G2E3: variants seen among roughly 807,000 people sequenced by gnomAD.
The protein encoded by G2E3 is G2/M-phase specific E3 ubiquitin protein ligase.
In G2E3, 35 loss-of-function variants were observed where a neutral mutation model predicts 92.8. The observed-to-expected ratio is 0.38, with a 90% CI of 0.29 to 0.50. G2E3 has a LOEUF of 0.50. Among genes scored for constraint, G2E3 ranks in the 20% least tolerant of loss-of-function variants. The probability of loss-of-function intolerance (pLI) is 0.94; values close to 1 mark genes in which losing one functional copy is unlikely to be tolerated. For synonymous variants in G2E3, 242 were observed against 272.4 expected, an observed-to-expected ratio of 0.89 and a Z score of 1.10; for missense variants, 554 against 823.8, an observed-to-expected ratio of 0.67 and a Z score of 4.01.
intron 2 of G2E3, among the ~76,000 whole-genome samples, chr14:30,586,434 A>G (rs1046042499): frequency 1.3e-5 from 2 of 152,214 alleles, no homozygotes; most frequent in Non-Finnish European, 2.9e-5. Context: ...TGGCAGTTTA[A>G]TCAGAGTTTT....
chr14:30,572,758 A>G (rs1458830799), intron 1 of G2E3, among the ~76,000 whole-genome samples: 1 of 151,968 alleles, frequency 6.6e-6, no homozygotes, highest in African/African-American at 2.4e-5. Context: ...CCAATGATTG[A>G]CTAAATTTGC....
intron 4 of G2E3, among the ~76,000 whole-genome samples, chr14:30,591,235 G>A (rs1873095632): frequency 6.6e-6 from 1 of 152,082 alleles, no homozygotes; most frequent in African/African-American, 2.4e-5. Context: ...TGACCTAGGT[G>A]GTGCTCAAAG....
In G2E3 at chr14:30,616,776, A is replaced by G. The variant is rs229140; in HGVS notation, c.*242A>G. The G allele has an allele frequency of 0.061, 19,258 of 318,160 alleles. 872 individuals carry two copies. The highest frequency in any genetic ancestry group is 0.14 in the African/African-American group (6,621 of 45,798). 19.7% of individuals were successfully genotyped at this position (318,160 alleles called of 1,614,324 possible). A position where few individuals can be genotyped will look rare whatever the true frequency, so the allele number is the denominator to read the frequency against. On this transcript the variant is annotated 3_prime_UTR_variant, in exon 15 of 15. Transcript: ENST00000206595. ...TTTTCTTGATATAGATACTTCATAA[A>G]CCTCAATATAAATACTCTCAAAATG...
chr14:30,569,309 A>T (rs1879620078), intron 1 of G2E3, among the ~76,000 whole-genome samples: 2 of 152,170 alleles, frequency 1.3e-5, no homozygotes, highest in South Asian at 4.1e-4. Context: ...TCTCCATCGA[A>T]TTACTTCTCC....
At chr14:30,588,206 CT>C (rs959702527) in intron 3 of G2E3, among the ~76,000 whole-genome samples, 8 of 146,390 alleles carry the variant, frequency 5.5e-5, no homozygotes, top group African/African-American at 1.4e-4. Context: ...GTTTATTTTA[CT>C]TTTTTTTCAG....
chr14:30,588,681 A>G (rs1232751861), intron 3 of G2E3, among the ~76,000 whole-genome samples: 1 of 152,134 alleles, frequency 6.6e-6, no homozygotes, highest in Non-Finnish European at 1.5e-5. Context: ...TTTTATTTTC[A>G]TGTTTAAGGT....
At chr14:30,595,741 CAT>C (rs940689212) in intron 6 of G2E3, among the ~76,000 whole-genome samples, 2 of 152,304 alleles carry the variant, frequency 1.3e-5, no homozygotes, top group South Asian at 2.1e-4. Flanking sequence ...ACTGAAATAA[CAT>C]ATGGAGTCTT....
chr14:30,606,938 G>C (rs1881858115), intron 11 of G2E3, among the ~76,000 whole-genome samples: 1 of 152,066 alleles, frequency 6.6e-6, no homozygotes, highest in African/African-American at 2.4e-5. Context: ...TAGTGATATA[G>C]ATCAAGAACC....
intron 1 of G2E3, among the ~76,000 whole-genome samples, chr14:30,577,159 A>G (rs1453339923): frequency 1.4e-5 from 2 of 137,972 alleles, no homozygotes; most frequent in Non-Finnish European, 3.0e-5. Context: ...CAGGAGGCGG[A>G]GGTTGCAGTG....
chr14:30,599,590 G>A (rs547327356), intron 8 of G2E3, among the ~76,000 whole-genome samples: 1 of 152,178 alleles, frequency 6.6e-6, no homozygotes, highest in Admixed American at 6.5e-5. Flanking sequence ...TAGGACTTAG[G>A]ATTTACTTCA....
At chr14:30,612,436 T>G in intron 13 of G2E3, 57 bp downstream of exon 13, 2 of 1,077,934 alleles carry the variant, frequency 1.9e-6, no homozygotes, top group Non-Finnish European at 2.7e-6. Context: ...AAGTGGTTAA[T>G]TATCTTGTAA....
intron 8 of G2E3, 105 bp downstream of exon 8, chr14:30,598,704 A>T (rs1881411706): frequency 1.2e-6 from 1 of 805,368 alleles, no homozygotes. Flanking sequence ...TTAGGATGTT[A>T]GAAGTTTAAA....
chr14:30,593,516 T>C lies in G2E3; in HGVS notation c.405T>C (p.Ser135=). 1 of 1,551,038 alleles carries C rather than the reference T, an allele frequency of 6.4e-7. No individual in the cohort carries two copies. Among genetic ancestry groups the C allele is most frequent in the Non-Finnish European group, 8.9e-7 (1 of 1,126,040 alleles). ...WDHRPVQIIT[S]NNYRESLPCT... Reference sequence around the variant, plus strand: ...ATCGACCTGTTCAAATAATTACATCTAATAATTATAGAGAGTCCTTACCAT... The same window carrying C: ...ATCGACCTGTTCAAATAATTACATCCAATAATTATAGAGAGTCCTTACCAT... The change falls in exon 6 of 15, where the codon TCT becomes TCC. Residue 135 remains serine (S), a synonymous_variant. Transcript: ENST00000206595.
At chr14:30,606,711 A>G (rs1423412240) in intron 11 of G2E3, among the ~76,000 whole-genome samples, 1 of 152,120 alleles carries the variant, frequency 6.6e-6, no homozygotes, top group Non-Finnish European at 1.5e-5. Context: ...AAATGTGACT[A>G]TGAATATGTA....
chr14:30,594,988 AT>A (rs1179859954), intron 6 of G2E3, among the ~76,000 whole-genome samples: 1 of 151,778 alleles, frequency 6.6e-6, no homozygotes, highest in African/African-American at 2.4e-5. Context: ...AAAAAAAAAA[AT>A]TAGCTGGGCG....
intron 11 of G2E3, 64 bp from the exon 12 acceptor site, chr14:30,607,823 TA>T (rs1226490231): frequency 4.8e-5 from 40 of 833,724 alleles, no homozygotes; most frequent in Admixed American, 6.4e-5. Flanking sequence ...ATTTTTAATA[TA>T]AAAAATGATG....
chr14:30,584,800 G>A (rs1880614704), intron 2 of G2E3, among the ~76,000 whole-genome samples: 1 of 148,184 alleles, frequency 6.7e-6, no homozygotes, highest in Admixed American at 6.7e-5. Context: ...GATGTGTAGA[G>A]TGTCTTTCAC....
chr14:30,575,495 A>AC (rs546938724), intron 1 of G2E3, among the ~76,000 whole-genome samples: 26 of 152,176 alleles, frequency 1.7e-4, no homozygotes, highest in Non-Finnish European at 3.1e-4. Flanking sequence ...CACCACTTCA[A>AC]CATAGTTTTG....
At chr14:30,597,896 ACTT>A (rs1031654747) in intron 7 of G2E3, among the ~76,000 whole-genome samples, 2 of 152,226 alleles carry the variant, frequency 1.3e-5, no homozygotes, top group Non-Finnish European at 2.9e-5. Flanking sequence ...ATGATAGTGA[ACTT>A]AAAATTAAAA....
Sources: allele counts gnomAD v4.1 joint callset (sites outside exome capture counted in the v4.1 genomes callset), GRCh38; gene constraint gnomAD v4.1.1; transcripts MANE v1.5; gene names NCBI Gene and HGNC (gene_info 2026-07-23, HGNC 2026-07-21).